FNTB: variants seen among roughly 807,000 people sequenced by gnomAD.
FNTB encodes farnesyltransferase, CAAX box, subunit beta, also known as protein farnesyltransferase subunit beta.
FNTB carries 27 observed loss-of-function variants against 59.4 expected under a neutral mutation model. The ratio of observed to expected loss-of-function variants is 0.45; its 90% CI spans 0.34 to 0.63. The LOEUF (loss-of-function observed/expected upper bound fraction) is 0.63. Ranked by LOEUF, FNTB falls within the 20% of genes least tolerant of loss-of-function variation. The pLI, the probability that FNTB is intolerant of heterozygous loss-of-function variation, is 0.02. For synonymous variants in FNTB, 230 were observed against 220.7 expected, an observed-to-expected ratio of 1.04 and a Z score of -0.37; for missense variants, 449 against 559.6, an observed-to-expected ratio of 0.80 and a Z score of 1.99.
chr14:64,990,136 G>A lies in FNTB; in HGVS notation c.144+3039G>A, dbSNP rs1038728966. Among the ~76,000 whole-genome samples the A allele has an allele frequency of 6.6e-6, 1 of 152,184 alleles. No homozygotes were observed. Among genetic ancestry groups the A allele is most frequent in the Admixed American group, 6.5e-5 (1 of 15,288 alleles). The stretch of plus-strand genomic sequence containing the variant: ...TGAGCAGGGGGCTTAGCAAACCAGA[G>A]AGTAGGAGATGGGTCGGATCATGTA... On this transcript the variant is annotated intron_variant, in intron 1 of 11. Transcript: ENST00000246166. The surrounding 1 kb of genome is among the most constrained non-coding windows in gnomAD (Gnocchi z 5.2).
In FNTB at chr14:65,044,205, C is replaced by G. The variant is rs1222234381; in HGVS notation, c.823-106C>G. 6.3e-7 allele frequency: 1 copy of G among 1,577,214 alleles called. No homozygotes were observed. The highest frequency in any genetic ancestry group is 8.6e-7 in the Non-Finnish European group (1 of 1,162,036). ...CCAAAACTAGAGTGCCAAGAAGCCA[C>G]AAGATGGGAAACCCTCCATCCCACA... On this transcript the variant is annotated intron_variant, in intron 8 of 11. Coordinates refer to ENST00000246166, the MANE Select transcript of FNTB (RefSeq NM_002028.4). The surrounding 1 kb of genome is among the most constrained non-coding windows in gnomAD (Gnocchi z 5.5).
At position 65,053,367 on chromosome 14, in the gene FNTB, G is replaced by A. The variant is rs764068268; in HGVS notation, c.1067+18G>A. ...CCTGGCAAGTGAGTGTTTTCTCTCT[G>A]GGGAGGGAAGGGAGAGGGGAGGAGA... is the stretch of plus-strand genomic sequence containing the variant. On this transcript the variant is annotated intron_variant, in intron 10 of 11. Transcript: ENST00000246166. 4 of 1,403,564 alleles carry A rather than the reference G, an allele frequency of 2.8e-6. No homozygotes were observed. Among genetic ancestry groups the A allele is most frequent in the Non-Finnish European group, 3.7e-6 (4 of 1,069,494 alleles). 86.9% of individuals were successfully genotyped at this position (1,403,564 alleles called of 1,614,324 possible). A position where few individuals can be genotyped will look rare whatever the true frequency, so the allele number is the denominator to read the frequency against.
At position 65,045,424 on chromosome 14, in the gene FNTB, C is replaced by T. The variant is rs370455630; in HGVS notation, c.955+981C>T. On this transcript the variant is annotated intron_variant, in intron 9 of 11. Transcript: ENST00000246166. ...CCCACCCCCCGTCTTCCCCCCTCCCCGCCGCCCCCGAGATGGAGTCGTGCT... is the reference window on the plus strand; with the variant it reads ...CCCACCCCCCGTCTTCCCCCCTCCCTGCCGCCCCCGAGATGGAGTCGTGCT... Among the ~76,000 whole-genome samples, 119 of 145,736 alleles carry T rather than the reference C, an allele frequency of 8.2e-4. 1 individual carries two copies. Among genetic ancestry groups the T allele is most frequent in the East Asian group, 8.0e-3 (39 of 4,902 alleles).
At chr14:65,034,740 A>G (rs2062152320) in intron 7 of FNTB, among the ~76,000 whole-genome samples, 1 of 152,180 alleles carries the variant, frequency 6.6e-6, no homozygotes, top group Admixed American at 6.5e-5. Flanking sequence ...GTATGGAATT[A>G]TAATGTCTGC....
chr14:65,020,361 C>T (rs1459751249), intron 4 of FNTB, among the ~76,000 whole-genome samples: 1 of 152,206 alleles, frequency 6.6e-6, no homozygotes, highest in African/African-American at 2.4e-5. Flanking sequence ...GATCCTCCTG[C>T]CTTAGCCTCC....
intron 4 of FNTB, among the ~76,000 whole-genome samples, chr14:65,016,195 G>A (rs1022045405): frequency 6.6e-6 from 1 of 152,178 alleles, no homozygotes; most frequent in Admixed American, 6.5e-5. Context: ...TGTTACTGGT[G>A]TGGCATACAA....
chr14:64,994,117 A>G lies in FNTB; in HGVS notation c.144+7020A>G, dbSNP rs1888307752. On this transcript the variant is annotated intron_variant, in intron 1 of 11. Coordinates refer to ENST00000246166, the MANE Select transcript of FNTB (RefSeq NM_002028.4). This position sits in a 1 kb window ranked among gnomAD's most constrained non-coding sequence, Gnocchi z 4.2. The stretch of plus-strand genomic sequence containing the variant: ...TGATCCACCCGCTTCCACCTCCCAA[A>G]GTGCTGGGATTACAGGCGTGAGGTA... 6.6e-6 allele frequency among the ~76,000 whole-genome samples: 1 copy of G among 152,088 alleles called. No individual in the cohort carries two copies. The highest frequency in any genetic ancestry group is 1.5e-5 in the Non-Finnish European group (1 of 68,016).
At position 64,987,106 on chromosome 14, in the gene FNTB, G is replaced by C. The variant is rs1887974420; in HGVS notation, c.144+9G>C. The C allele has an allele frequency of 6.2e-7, 1 of 1,614,038 alleles. No individual in the cohort carries two copies. Among genetic ancestry groups the C allele is most frequent in the Non-Finnish European group, 8.5e-7 (1 of 1,180,006 alleles). On this transcript the variant is annotated intron_variant, in intron 1 of 11. Coordinates refer to ENST00000246166, the MANE Select transcript of FNTB (RefSeq NM_002028.4). ...TCACGTCCATAGAACAGGTGAGGTG[G>C]CAGGACTGGGCGAGGCGCCCGCGCG...
rs1224984665 is a variant in FNTB, at chr14:65,029,013, C to CT, written c.605+1241dup. ...ATTTGCTATCTTATTCATTCCAGCA[C>CT]TTTTTTTTTCCCTATGCTCTTTATT... On this transcript the variant is annotated intron_variant, in intron 6 of 11. Coordinates refer to ENST00000246166, the MANE Select transcript of FNTB (RefSeq NM_002028.4). This position sits in a 1 kb window ranked among gnomAD's most constrained non-coding sequence, Gnocchi z 4.7. 1.3e-4 allele frequency among the ~76,000 whole-genome samples: 19 copies of CT among 151,686 alleles called. No homozygotes were observed. The highest frequency in any genetic ancestry group is 7.7e-4 in the East Asian group (4 of 5,176).
intron 2 of FNTB, chr14:65,006,351 ATC>A (rs1433754288): frequency 2.8e-5 from 45 of 1,594,574 alleles, no homozygotes; most frequent in Non-Finnish European, 3.8e-5. Flanking sequence ...GCTAAACCAA[ATC>A]TCTGCATTAA....
rs1194923667 is a variant in FNTB, at chr14:65,009,346, C to T, written c.210-2971C>T. On this transcript the variant is annotated intron_variant, in intron 2 of 11. Coordinates refer to ENST00000246166, the MANE Select transcript of FNTB (RefSeq NM_002028.4). The surrounding 1 kb of genome is among the most constrained non-coding windows in gnomAD (Gnocchi z 4.2). ...ATGTTATATTTCTTAATTTCACTGG[C>T]GCTTCACTAACTGCCTTATAATCCT... Among the ~76,000 whole-genome samples, 1 of 151,988 alleles carries T rather than the reference C, an allele frequency of 6.6e-6. No individual in the cohort carries two copies. Among genetic ancestry groups the T allele is most frequent in the African/African-American group, 2.4e-5 (1 of 41,270 alleles).
At position 65,047,596 on chromosome 14, in the gene FNTB, G is replaced by T. The variant is rs796527231; in HGVS notation, c.955+3153G>T. Among the ~76,000 whole-genome samples, 10 of 152,214 alleles carry T rather than the reference G, an allele frequency of 6.6e-5. 1 individual carries two copies. Among genetic ancestry groups the T allele is most frequent in the African/African-American group, 2.2e-4 (9 of 41,540 alleles). On this transcript the variant is annotated intron_variant, in intron 9 of 11. Coordinates refer to ENST00000246166, the MANE Select transcript of FNTB (RefSeq NM_002028.4). The surrounding 1 kb of genome is among the most constrained non-coding windows in gnomAD (Gnocchi z 5.2). The stretch of plus-strand genomic sequence containing the variant: ...AATAGGTTAAGTCATTTTTTGGAGG[G>T]CAGTTTGGAGACATCCATTTAAATT...
chr14:65,032,410 G>T lies in FNTB; in HGVS notation c.606-200G>T. 2.1e-6 allele frequency: 1 copy of T among 481,518 alleles called. No homozygotes were observed. Among genetic ancestry groups the T allele is most frequent in the African/African-American group, 2.0e-5 (1 of 49,940 alleles). 29.8% of individuals were successfully genotyped at this position (481,518 alleles called of 1,614,324 possible). A position where few individuals can be genotyped will look rare whatever the true frequency, so the allele number is the denominator to read the frequency against. ...TAGAATGTCATGTTCTTTCACTGAA[G>T]CCATGCCGTGAGCAACTCTATCCAA... On this transcript the variant is annotated intron_variant, in intron 6 of 11. Coordinates refer to ENST00000246166, the MANE Select transcript of FNTB (RefSeq NM_002028.4). The surrounding 1 kb of genome is among the most constrained non-coding windows in gnomAD (Gnocchi z 5.0).
At chr14:65,010,576 C>A (rs889516695) in intron 2 of FNTB, among the ~76,000 whole-genome samples, 1 of 152,224 alleles carries the variant, frequency 6.6e-6, no homozygotes, top group Non-Finnish European at 1.5e-5. Context: ...TCTGTCTGCC[C>A]ACTGCGATAT....
intron 11 of FNTB, among the ~76,000 whole-genome samples, chr14:65,055,836 T>C (rs1224463499): frequency 6.6e-6 from 1 of 152,204 alleles, no homozygotes; most frequent in Non-Finnish European, 1.5e-5. Context: ...TTTCTTTTAA[T>C]TGGGAAACAT....
chr14:65,050,358 A>G (rs761959994), intron 9 of FNTB, among the ~76,000 whole-genome samples: 8 of 152,162 alleles, frequency 5.3e-5, no homozygotes, highest in Non-Finnish European at 1.2e-4. Flanking sequence ...CACTTTGGGA[A>G]GCCGAGTTGG....
intron 1 of FNTB, chr14:65,003,316 G>A (rs909078683): frequency 6.6e-6 from 1 of 152,122 alleles, no homozygotes; most frequent in Non-Finnish European, 1.5e-5. Context: ...ACAATAAGAA[G>A]CATGACTGTA....
chr14:65,017,245 C>T (rs1207933805), intron 4 of FNTB, among the ~76,000 whole-genome samples: 1 of 152,032 alleles, frequency 6.6e-6, no homozygotes, highest in Non-Finnish European at 1.5e-5. Flanking sequence ...GAAATACCAG[C>T]TCGGGGGCCT....
intron 3 of FNTB, among the ~76,000 whole-genome samples, chr14:65,013,605 A>T (rs777849951): frequency 6.6e-6 from 1 of 152,230 alleles, no homozygotes; most frequent in Non-Finnish European, 1.5e-5. Flanking sequence ...GCTGGAGTGC[A>T]GTGGCATGAT....
Sources: gnomAD v4.1 joint callset for allele counts (sites outside exome capture counted in the v4.1 genomes callset) on GRCh38, gnomAD v4.1.1 for gene constraint, Gnocchi (gnomAD v3.1) non-coding constraint, MANE v1.5 for transcripts, NCBI Gene and HGNC (gene_info 2026-07-23, HGNC 2026-07-21) for gene names.